Variants in SEPTIN3 observed in about 807,000 individuals in gnomAD.
SEPTIN3 encodes septin 3.
Under a neutral mutation model 45.1 loss-of-function variants are expected in SEPTIN3, and 15 were observed. The ratio of observed to expected loss-of-function variants is 0.33; its 90% CI spans 0.22 to 0.51. The LOEUF is 0.51. Ranked by LOEUF, SEPTIN3 falls within the 20% of genes least tolerant of loss-of-function variation. The pLI is 0.97. For missense variants in SEPTIN3, 289 were observed against 457.2 expected, an observed-to-expected ratio of 0.63 and a Z score of 3.35; for synonymous variants, 148 against 164.8, an observed-to-expected ratio of 0.90 and a Z score of 0.78.
chr22:41,985,011 C>G (rs1402944195), intron 3 of SEPTIN3, among the ~76,000 whole-genome samples: 1 of 152,134 alleles, frequency 6.6e-6, no homozygotes, highest in Non-Finnish European at 1.5e-5. Context: ...TGCCACCACG[C>G]CGGGCTAATT....
chr22:41,974,029 G>A (rs1258803148), intron 2 of SEPTIN3, among the ~76,000 whole-genome samples: 1 of 151,816 alleles, frequency 6.6e-6, no homozygotes, highest in Non-Finnish European at 1.5e-5. Flanking sequence ...GGGCATGGTG[G>A]CATGCATCTG....
At chr22:41,995,160 A>G in intron 11 of SEPTIN3, 2 of 1,062,504 alleles carry the variant, frequency 1.9e-6, no homozygotes, top group Non-Finnish European at 2.3e-6. Context: ...ACCTGCACAC[A>G]AACTGGGGCT....
At chr22:41,986,231 G>C in intron 4 of SEPTIN3, 119 bp downstream of exon 4, 1 of 1,233,542 alleles carries the variant, frequency 8.1e-7, no homozygotes. Context: ...AGACAAAACA[G>C]ACGTGAGCAC....
At chr22:41,971,342 C>A in intron 1 of SEPTIN3, 132 bp from the exon 2 acceptor site, 1 of 397,714 alleles carries the variant, frequency 2.5e-6, no homozygotes, top group Non-Finnish European at 4.4e-6. Context: ...CCACTAAGGA[C>A]TGGACAGTCC....
chr22:41,989,430 C>G, intron 6 of SEPTIN3, 137 bp from the exon 7 acceptor site: 1 of 660,638 alleles, frequency 1.5e-6, no homozygotes, highest in South Asian at 1.9e-5. Context: ...GTGTCGGAGA[C>G]GAGAGGTAGC....
intron 7 of SEPTIN3, among the ~76,000 whole-genome samples, chr22:41,990,062 T>C (rs1218270327): frequency 6.6e-6 from 1 of 152,006 alleles, no homozygotes; most frequent in East Asian, 1.9e-4. Flanking sequence ...TGTTTTTTTT[T>C]TGGAGTCTCT....
intron 3 of SEPTIN3, among the ~76,000 whole-genome samples, chr22:41,982,803 A>G (rs1466339420): frequency 1.3e-5 from 2 of 151,654 alleles, no homozygotes; most frequent in Non-Finnish European, 2.9e-5. Context: ...AGGCAGGAGA[A>G]TCACTTGAAC....
chr22:41,993,727 C>T (rs2078366440), intron 9 of SEPTIN3, among the ~76,000 whole-genome samples: 1 of 152,128 alleles, frequency 6.6e-6, no homozygotes. Flanking sequence ...CTCCTGGGCT[C>T]CAGTAATCCT....
intron 5 of SEPTIN3, 24 bp from the exon 6 acceptor site, chr22:41,987,598 C>T (rs1394752582): frequency 6.2e-7 from 1 of 1,600,100 alleles, no homozygotes; most frequent in Non-Finnish European, 8.6e-7. Context: ...TCTGATGCAT[C>T]TATCTACTTT....
Position 41,972,270 on chromosome 22 carries a change from G to T in SEPTIN3, c.778G>T (p.Asp260Tyr). The T allele has an allele frequency of 2.5e-6, 1 of 399,106 alleles. No homozygotes were observed. 24.7% of individuals were successfully genotyped at this position (399,106 alleles called of 1,614,324 possible). A position where few individuals can be genotyped will look rare whatever the true frequency, so the allele number is the denominator to read the frequency against. Reference sequence around the variant, plus strand: ...CACGACTGTGAATTTGACTGCTATGGACACAAGGACAGACGCAGCCAGACA... The same window carrying T: ...CACGACTGTGAATTTGACTGCTATGTACACAAGGACAGACGCAGCCAGACA... The part of the protein sequence containing the change: ...ANTTVNLTAM[D>Y]TRTDAARHLA... Residue 260 changes from aspartate to tyrosine, a missense_variant, in exon 2 of 12, where the codon GAC (aspartate) becomes TAC (tyrosine). Physicochemically the swap from Asp to Tyr is radical, Grantham distance 160. Transcript: ENST00000644076.
At position 41,976,922 on chromosome 22, in the gene SEPTIN3, G is replaced by A. The variant is rs2146674413; in HGVS notation, c.1504+3926G>A. On this transcript the variant is annotated intron_variant, in intron 2 of 11. Transcript: ENST00000644076. This position sits in a 1 kb window ranked among gnomAD's most constrained non-coding sequence, Gnocchi z 5.8. Reference sequence around the variant, plus strand: ...CGCAGGGGCGGCGCGGCGGGGCCGCGGGCCGGGCGGGTGGGAGGAGAGCGC... The same window carrying A: ...CGCAGGGGCGGCGCGGCGGGGCCGCAGGCCGGGCGGGTGGGAGGAGAGCGC... 8.8e-6 allele frequency: 4 copies of A among 454,554 alleles called. No homozygotes were observed. Among genetic ancestry groups the A allele is most frequent in the Non-Finnish European group, 1.2e-5 (4 of 324,004 alleles). 28.2% of individuals were successfully genotyped at this position (454,554 alleles called of 1,614,324 possible). A position where few individuals can be genotyped will look rare whatever the true frequency, so the allele number is the denominator to read the frequency against.
rs1003819455 is a variant in SEPTIN3, at chr22:41,971,722, C to A, written c.230C>A (p.Thr77Asn). 7.5e-6 allele frequency: 3 copies of A among 399,128 alleles called. No homozygotes were observed. Among genetic ancestry groups the A allele is most frequent in the African/African-American group, 4.1e-5 (2 of 48,622 alleles). 24.7% of individuals were successfully genotyped at this position (399,128 alleles called of 1,614,324 possible). The change falls in exon 2 of 12, where the codon ACC (threonine) becomes AAC (asparagine). Residue 77 changes from threonine (T) to asparagine (N), a missense_variant. Physicochemically the swap from Thr to Asn is moderately conservative, Grantham distance 65. This residue lies in a region of SEPTIN3 where 200 missense variants were observed against 315.1 expected (regional missense o/e 0.63). Coordinates refer to ENST00000644076, the MANE Select transcript of SEPTIN3 (RefSeq NM_001363845.2). ...AGCCGGCTGGGCCTTGGAGCCAGGACCCGGAGTGTGCCCCCACAGGAGACG... is the reference window on the plus strand; with the variant it reads ...AGCCGGCTGGGCCTTGGAGCCAGGAACCGGAGTGTGCCCCCACAGGAGACG... ...TSSRLGLGAR[T>N]RSVPPQETGI...
Position 41,994,172 on chromosome 22 carries a change from G to T in SEPTIN3, c.2360-118G>T. On this transcript the variant is annotated intron_variant, in intron 9 of 11. Coordinates refer to ENST00000644076, the MANE Select transcript of SEPTIN3 (RefSeq NM_001363845.2). The surrounding 1 kb of genome is among the most constrained non-coding windows in gnomAD (Gnocchi z 4.2). ...AATCTCTGGAAGGGTTACAAAAAAT[G>T]ACCTGTCCCATAGCTTTCTCCTAAA... 1.2e-6 allele frequency: 1 copy of T among 834,530 alleles called. No individual in the cohort carries two copies. Among genetic ancestry groups the T allele is most frequent in the Non-Finnish European group, 1.9e-6 (1 of 513,846 alleles). 51.7% of individuals were successfully genotyped at this position (834,530 alleles called of 1,614,324 possible).
chr22:41,981,913 T>C, intron 3 of SEPTIN3, 77 bp downstream of exon 3: 1 of 1,321,138 alleles, frequency 7.6e-7, no homozygotes. Context: ...CCCAAATGGC[T>C]GTGACCCTGG....
At chr22:41,990,557 A>G (rs1269903350) in intron 7 of SEPTIN3, among the ~76,000 whole-genome samples, 1 of 145,286 alleles carries the variant, frequency 6.9e-6, no homozygotes. Flanking sequence ...CATCCTGGCT[A>G]ACACGGTGAA....
rs184446953 is a variant in SEPTIN3 at position 41,994,445 on chromosome 22, G to A, written c.2411+104G>A. ...CCTGCATCTCCAGGTCTCTCTGACAGAGCTTTCTGCCCCAGTTCCAGCTCC... is the reference window on the plus strand; with the variant it reads ...CCTGCATCTCCAGGTCTCTCTGACAAAGCTTTCTGCCCCAGTTCCAGCTCC... On this transcript the variant is annotated intron_variant, in intron 10 of 11. Coordinates refer to ENST00000644076, the MANE Select transcript of SEPTIN3 (RefSeq NM_001363845.2). The surrounding 1 kb of genome is among the most constrained non-coding windows in gnomAD (Gnocchi z 4.2). The A allele has an allele frequency of 3.0e-4, 459 of 1,508,802 alleles. No individual in the cohort carries two copies. Among genetic ancestry groups the A allele is most frequent in the Admixed American group, 8.7e-4 (50 of 57,624 alleles). The allele number at this position is 1,508,802 out of a possible 1,614,324, so 93.5% of individuals were successfully genotyped here. A position where few individuals can be genotyped will look rare whatever the true frequency, so the allele number is the denominator to read the frequency against.
intron 7 of SEPTIN3, among the ~76,000 whole-genome samples, chr22:41,990,724 C>A (rs1406324411): frequency 2.5e-5 from 3 of 120,986 alleles, no homozygotes; most frequent in African/African-American, 3.4e-5. Flanking sequence ...CCAGCCTGGG[C>A]GACAAAGTGA....
chr22:41,985,009 C>T (rs529776623), intron 3 of SEPTIN3, among the ~76,000 whole-genome samples: 24 of 152,184 alleles, frequency 1.6e-4, no homozygotes, highest in African/African-American at 2.4e-4. Context: ...CCTGCCACCA[C>T]GCCGGGCTAA....
intron 2 of SEPTIN3, among the ~76,000 whole-genome samples, chr22:41,974,662 CAAAA>C (rs532915714): frequency 1.4e-5 from 1 of 73,074 alleles, no homozygotes; most frequent in Non-Finnish European, 2.9e-5. Context: ...GACTCCGTCT[CAAAA>C]AAAAAAAAAA....
Sources: gnomAD v4.1 joint callset for allele counts (sites outside exome capture counted in the v4.1 genomes callset) on GRCh38, gnomAD v4.1.1 for gene constraint, gnomAD v4.1.1 regional missense constraint, Gnocchi (gnomAD v3.1) non-coding constraint, MANE v1.5 for transcripts, NCBI Gene and HGNC (gene_info 2026-07-23, HGNC 2026-07-21) for gene names.